Variants in DYRK1A observed in about 807,000 individuals in gnomAD.
The protein encoded by DYRK1A is dual specificity tyrosine-phosphorylation-regulated kinase 1A.
A neutral mutation model predicts 79.7 loss-of-function variants in DYRK1A; 9 were observed. The observed-to-expected ratio is 0.11, with a 90% confidence interval of 0.07 to 0.20. The LOEUF (loss-of-function observed/expected upper bound fraction) is 0.20. DYRK1A is among the 10% of genes least tolerant of loss of function. The pLI is 1.00. For synonymous variants in DYRK1A, 349 were observed against 329.7 expected (o/e 1.06, Z -0.63); for missense variants, 622 against 956.0 (o/e 0.65, Z 4.61).
intron 4 of DYRK1A, among the ~76,000 whole-genome samples, chr21:37,478,634 A>T (rs2052489278): frequency 6.6e-6 from 1 of 152,060 alleles, no homozygotes; most frequent in Non-Finnish European, 1.5e-5. Context: ...AAGGACTCTA[A>T]AAGTATATAT....
At chr21:37,453,171 C>T (rs959741498) in intron 2 of DYRK1A, among the ~76,000 whole-genome samples, 1 of 152,084 alleles carries the variant, frequency 6.6e-6, no homozygotes, top group African/African-American at 2.4e-5. Context: ...TTTTAATTTA[C>T]CTGGTGTTTC....
rs1051859298 is a variant in DYRK1A at position 37,526,058 on chromosome 21, C to A, written c.*13527C>A. The stretch of plus-strand genomic sequence containing the variant: ...TCAAGAAGAACTATTGTTTGAATCA[C>A]AACTAATGTTACTGCTTTAAGCTCT... On this transcript the variant is annotated 3_prime_UTR_variant, in exon 12 of 12. Transcript: ENST00000647188. 1 of 152,162 alleles carries A rather than the reference C, an allele frequency of 6.6e-6. No individual in the cohort carries two copies. The highest frequency in any genetic ancestry group is 1.5e-5 in the Non-Finnish European group (1 of 68,022). The allele number at this position is 152,162 out of a possible 1,614,324, so 9.4% of individuals were successfully genotyped here.
intron 9 of DYRK1A, among the ~76,000 whole-genome samples, chr21:37,498,964 C>G (rs2148633746): frequency 6.6e-6 from 1 of 152,128 alleles, no homozygotes; most frequent in East Asian, 1.9e-4. Context: ...TCTTTCCCAT[C>G]TTTTGCTTGT....
At chr21:37,450,862 A>T (rs2051424084) in intron 2 of DYRK1A, among the ~76,000 whole-genome samples, 1 of 152,200 alleles carries the variant, frequency 6.6e-6, no homozygotes, top group African/African-American at 2.4e-5. Context: ...AGCAGGCAGC[A>T]TGCTTGCTGT....
At position 37,412,671 on chromosome 21, in the gene DYRK1A, C is replaced by T. The variant is rs149529538; in HGVS notation, c.-76-7628C>T. ...AGGAATGGAAAGGCATGAGGCACTT[C>T]GAAAATGGATAGGATTTAGTAAGAC... On this transcript the variant is annotated intron_variant, in intron 1 of 11. Transcript: ENST00000647188. 3.5e-3 allele frequency among the ~76,000 whole-genome samples: 533 copies of T among 152,182 alleles called. 2 individuals carry two copies. The Middle Eastern group carries it at 0.044, about 13-fold the overall frequency.
At chr21:37,506,415 G>C in intron 11 of DYRK1A, 192 bp downstream of exon 11, 1 of 1,488,600 alleles carries the variant, frequency 6.7e-7, no homozygotes, top group Non-Finnish European at 9.0e-7. Context: ...TCTAGAAGTG[G>C]CTAACACTTA....
intron 2 of DYRK1A, among the ~76,000 whole-genome samples, chr21:37,463,822 A>T (rs373033215): frequency 6.6e-6 from 1 of 152,232 alleles, no homozygotes. Context: ...TTTTGCCCAC[A>T]TAAGCTTGGT....
At chr21:37,441,962 GTT>G (rs34848736) in intron 2 of DYRK1A, among the ~76,000 whole-genome samples, 26 of 139,986 alleles carry the variant, frequency 1.9e-4, no homozygotes, top group African/African-American at 4.2e-4. Flanking sequence ...TTATTTTGCT[GTT>G]TTTTTTTTTT....
chr21:37,515,657 A>G lies in DYRK1A; in HGVS notation c.*3126A>G, dbSNP rs2053872647. The G allele has an allele frequency of 6.6e-6, 1 of 152,174 alleles. No homozygotes were observed. Among genetic ancestry groups the G allele is most frequent in the Non-Finnish European group, 1.5e-5 (1 of 68,038 alleles). 9.4% of individuals were successfully genotyped at this position (152,174 alleles called of 1,614,324 possible). A position where few individuals can be genotyped will look rare whatever the true frequency, so the allele number is the denominator to read the frequency against. The stretch of plus-strand genomic sequence containing the variant: ...TTTTTACAAATTCACCTGCTTCAGT[A>G]TATATTAAGGTGGCTTTCGAGAGGC... On this transcript the variant is annotated 3_prime_UTR_variant, in exon 12 of 12. Transcript: ENST00000647188.
At chr21:37,438,835 T>A (rs2051002788) in intron 2 of DYRK1A, among the ~76,000 whole-genome samples, 1 of 152,202 alleles carries the variant, frequency 6.6e-6, no homozygotes, top group Non-Finnish European at 1.5e-5. Flanking sequence ...AATTTTCAAA[T>A]CAGTTCGCTA....
intron 2 of DYRK1A, among the ~76,000 whole-genome samples, chr21:37,451,514 A>G (rs1040111811): frequency 6.6e-6 from 1 of 152,112 alleles, no homozygotes; most frequent in Non-Finnish European, 1.5e-5. Context: ...AGTTGCCCTC[A>G]TTATTCAGCA....
Position 37,493,396 on chromosome 21 carries a change from T to C in DYRK1A, c.1071+233T>C, listed in dbSNP as rs536760240. On this transcript the variant is annotated intron_variant, in intron 8 of 11. Coordinates refer to ENST00000647188, the MANE Select transcript of DYRK1A (RefSeq NM_001347721.2). ...CTCATGAAGGAGAACAGTTAGAAAG[T>C]GTTAAGTATTTTGGCATACATTTTA... is the stretch of plus-strand genomic sequence containing the variant. Among the ~76,000 whole-genome samples the C allele has an allele frequency of 5.8e-4, 88 of 152,326 alleles. 1 individual carries two copies. The South Asian group carries it at 0.017, about 30-fold the overall frequency.
intron 7 of DYRK1A, among the ~76,000 whole-genome samples, chr21:37,490,881 A>G (rs1005349157): frequency 4.6e-5 from 7 of 152,086 alleles, no homozygotes; most frequent in African/African-American, 1.4e-4. Flanking sequence ...TTGTAACTAT[A>G]TTTCCCAAGT....
chr21:37,469,899 A>G (rs2052163132), intron 2 of DYRK1A, among the ~76,000 whole-genome samples: 1 of 152,176 alleles, frequency 6.6e-6, no homozygotes, highest in African/African-American at 2.4e-5. Context: ...TAATCCCAGC[A>G]CTTTGGGAGG....
At chr21:37,432,365 G>A (rs1248716261) in intron 2 of DYRK1A, among the ~76,000 whole-genome samples, 1 of 152,116 alleles carries the variant, frequency 6.6e-6, no homozygotes, top group Non-Finnish European at 1.5e-5. Flanking sequence ...TTAATGAGAA[G>A]TAGGGGACAA....
In DYRK1A at chr21:37,523,266, C is replaced by A; in HGVS notation, c.*10735C>A. ...TTTTTGCCCATGCTGGTCTTGAACC[C>A]CTGGGCTCAAGCGATCCTTCTGCCT... is the stretch of plus-strand genomic sequence containing the variant. On this transcript the variant is annotated 3_prime_UTR_variant, in exon 12 of 12. Transcript: ENST00000647188. 6.6e-6 allele frequency: 1 copy of A among 152,568 alleles called. No individual in the cohort carries two copies. The highest frequency in any genetic ancestry group is 1.9e-4 in the South Asian group (1 of 5,134). 9.5% of individuals were successfully genotyped at this position (152,568 alleles called of 1,614,324 possible).
At chr21:37,458,661 C>CTGT (rs1413039797) in intron 2 of DYRK1A, among the ~76,000 whole-genome samples, 4 of 152,154 alleles carry the variant, frequency 2.6e-5, no homozygotes, top group Non-Finnish European at 5.9e-5. Flanking sequence ...ACGCCTAAGT[C>CTGT]CTAGCCTAAT....
In DYRK1A at chr21:37,523,743, G is replaced by A. The variant is rs1404317669; in HGVS notation, c.*11212G>A. On this transcript the variant is annotated 3_prime_UTR_variant, in exon 12 of 12. Coordinates refer to ENST00000647188, the MANE Select transcript of DYRK1A (RefSeq NM_001347721.2). ...TGAAAAACATCAAATGATATTTCAG[G>A]ACATAGGGAAATTATATGACATTTG... 1 of 152,164 alleles carries A rather than the reference G, an allele frequency of 6.6e-6. No individual in the cohort carries two copies. Among genetic ancestry groups the A allele is most frequent in the Non-Finnish European group, 1.5e-5 (1 of 68,024 alleles). 9.4% of individuals were successfully genotyped at this position (152,164 alleles called of 1,614,324 possible).
At chr21:37,389,212 T>TAG (rs1491082899) in intron 1 of DYRK1A, among the ~76,000 whole-genome samples, 2 of 150,432 alleles carry the variant, frequency 1.3e-5, no homozygotes, top group Non-Finnish European at 3.0e-5. Context: ...TTTAAAAAAG[T>TAG]ATATATATAT....
Sources: gnomAD v4.1 joint callset for allele counts (sites outside exome capture counted in the v4.1 genomes callset) on GRCh38, gnomAD v4.1.1 for gene constraint, MANE v1.5 for transcripts, NCBI Gene and HGNC (gene_info 2026-07-23, HGNC 2026-07-21) for gene names.